Variants in WAPL observed in about 807,000 individuals in gnomAD.
WAPL encodes WAPL cohesin release factor.
Under a neutral mutation model 121.0 loss-of-function variants are expected in WAPL, and 5 were observed. The ratio of observed to expected loss-of-function variants is 0.04; its 90% CI spans 0.02 to 0.09. The LOEUF (loss-of-function observed/expected upper bound fraction) is 0.09, where lower values mean the gene tolerates loss of function less well. WAPL is among the 10% of genes least tolerant of loss of function. The pLI is 1.00. For synonymous variants in WAPL, 480 were observed against 481.5 expected (o/e 1.00, Z 0.04); for missense variants, 999 against 1,410.8 (o/e 0.71, Z 4.68).
chr10:86,493,197 T>G lies in WAPL; in HGVS notation c.1644+4004A>C, dbSNP rs17106779. Among the ~76,000 whole-genome samples the G allele has an allele frequency of 7.7e-3, 1,175 of 152,120 alleles. 7 individuals are homozygous for G. The highest frequency in any genetic ancestry group is 0.02 in the Middle Eastern group (6 of 294). ...AAGACATTTTGAAGATGGGGAAAAC[T>G]GAATACAGTGATTATCAGATTATAT... On this transcript the variant is annotated intron_variant, in intron 4 of 18. Coordinates refer to ENST00000298767, the MANE Select transcript of WAPL (RefSeq NM_015045.5).
At position 86,453,199 on chromosome 10, in the gene WAPL, GAA is replaced by G. The variant is rs749993450; in HGVS notation, c.2949+19_2949+20del. 4 of 1,610,672 alleles carry G rather than the reference GAA, an allele frequency of 2.5e-6. No homozygotes were observed. Among genetic ancestry groups the G allele is most frequent in the South Asian group, 1.1e-5 (1 of 90,952 alleles). On this transcript the variant is annotated intron_variant, in intron 14 of 18. Transcript: ENST00000298767. ...CTTATTAGATATGATACTCATTTCT[GAA>G]AAAGTCATTTCAACTTACCAGCACT...
chr10:86,470,707 T>C (rs1470003874), intron 8 of WAPL, among the ~76,000 whole-genome samples: 1 of 152,232 alleles, frequency 6.6e-6, no homozygotes, highest in East Asian at 1.9e-4. Context: ...GAGAAAATTA[T>C]GCTTACAAAA....
intron 5 of WAPL, 64 bp downstream of exon 5, chr10:86,473,814 A>G: frequency 7.9e-7 from 1 of 1,266,162 alleles, no homozygotes; most frequent in Non-Finnish European, 1.1e-6. Context: ...TATGAATTAA[A>G]AGAGTAACTG....
chr10:86,444,892 CAAA>C (rs35307250), intron 16 of WAPL, among the ~76,000 whole-genome samples: 187 of 68,202 alleles, frequency 2.7e-3, no homozygotes, highest in East Asian at 0.021. Context: ...GTTATTACGC[CAAA>C]AAAAAAAAAA....
chr10:86,473,167 G>A (rs1315485549), intron 5 of WAPL, among the ~76,000 whole-genome samples: 2 of 152,036 alleles, frequency 1.3e-5, no homozygotes, highest in African/African-American at 4.8e-5. Context: ...GTAGTTTAGG[G>A]TAAAAATAAA....
intron 4 of WAPL, among the ~76,000 whole-genome samples, chr10:86,483,102 A>G (rs1841829954): frequency 6.6e-6 from 1 of 152,220 alleles, no homozygotes; most frequent in Non-Finnish European, 1.5e-5. Flanking sequence ...AAACAAACCT[A>G]CTGTGCTGCC....
At chr10:86,515,806 A>T (rs1842544340) in intron 2 of WAPL, among the ~76,000 whole-genome samples, 1 of 151,662 alleles carries the variant, frequency 6.6e-6, no homozygotes, top group South Asian at 2.1e-4. Context: ...GATGATTTTA[A>T]TATACATTTA....
In WAPL at chr10:86,521,720, C is replaced by G. The variant is rs1315686888; in HGVS notation, c.-378G>C. ...GGTCAGTGCTGGAGTTTGAACAGGG[C>G]CCTGAACCATCTCAACGCCATTTGC... On this transcript the variant is annotated 5_prime_UTR_variant, in exon 1 of 19. Transcript: ENST00000298767. 2.2e-6 allele frequency: 1 copy of G among 457,772 alleles called. No homozygotes were observed. The highest frequency in any genetic ancestry group is 4.5e-6 in the Non-Finnish European group (1 of 221,866). The allele number at this position is 457,772 out of a possible 1,614,324, so 28.4% of individuals were successfully genotyped here. A position where few individuals can be genotyped will look rare whatever the true frequency, so the allele number is the denominator to read the frequency against.
chr10:86,481,725 C>A (rs10887617), intron 4 of WAPL, among the ~76,000 whole-genome samples: 145,363 of 152,240 alleles, frequency 0.95, 69,534 homozygotes, highest in East Asian at 1. Context: ...AGAAAAGAAG[C>A]AGCAGAAAAC....
At chr10:86,446,550 T>A in intron 15 of WAPL, 101 bp from the exon 16 acceptor site, 1 of 1,247,840 alleles carries the variant, frequency 8.0e-7, no homozygotes, top group Non-Finnish European at 1.1e-6. Context: ...TATCACTAAC[T>A]CTAAGATGGT....
intron 2 of WAPL, among the ~76,000 whole-genome samples, chr10:86,516,849 G>A (rs1842564288): frequency 6.6e-6 from 1 of 152,082 alleles, no homozygotes; most frequent in Non-Finnish European, 1.5e-5. Flanking sequence ...ACTTTGGGAG[G>A]TGAGGCGGGC....
rs1019130880 is a variant in WAPL, at chr10:86,517,977, A to G, written c.93T>C (p.Leu31=). The G allele has an allele frequency of 1.9e-6, 3 of 1,614,082 alleles. No homozygotes were observed. Among genetic ancestry groups the G allele is most frequent in the Non-Finnish European group, 2.5e-6 (3 of 1,180,034 alleles). ...DEVFSNKRTT[L]STKWGETTFM... is the part of the protein sequence containing the mutation. ...ATGTGGTCTCTCCCCATTTTGTGCTAAGGGTAGTCCGTTTGTTGGAAAAGA... is the reference window on the plus strand; with the variant it reads ...ATGTGGTCTCTCCCCATTTTGTGCTGAGGGTAGTCCGTTTGTTGGAAAAGA... Residue 31 remains leucine (L), a synonymous_variant, in exon 2 of 19, where the codon CTT becomes CTC. Transcript: ENST00000298767.
chr10:86,506,241 AAAACAAAC>A (rs200759118), intron 2 of WAPL, among the ~76,000 whole-genome samples: 9 of 152,222 alleles, frequency 5.9e-5, no homozygotes, highest in Middle Eastern at 6.8e-3. Context: ...TCCAAAAACA[AAAACAAAC>A]AAACAAACAA....
intron 2 of WAPL, among the ~76,000 whole-genome samples, chr10:86,515,015 T>C (rs560638907): frequency 6.6e-6 from 1 of 152,116 alleles, no homozygotes; most frequent in Non-Finnish European, 1.5e-5. Context: ...TTCCCAGCAC[T>C]TGGGGAGGCC....
At chr10:86,468,819 G>A (rs117963408) in intron 8 of WAPL, among the ~76,000 whole-genome samples, 12,084 of 151,768 alleles carry the variant, frequency 0.08, 859 homozygotes, top group East Asian at 0.38. Context: ...AAAAAAATTA[G>A]GCCGGGCGCA....
intron 15 of WAPL, among the ~76,000 whole-genome samples, chr10:86,450,194 A>T (rs954782917): frequency 6.6e-6 from 1 of 152,210 alleles, no homozygotes; most frequent in Admixed American, 6.5e-5. Context: ...ATTTTGAAAT[A>T]AAAAGTTTAA....
At position 86,452,053 on chromosome 10, in the gene WAPL, A is replaced by G. The variant is rs1032015222; in HGVS notation, c.3028T>C (p.Ser1010Pro). 6.2e-7 allele frequency: 1 copy of G among 1,614,088 alleles called. No homozygotes were observed. Among genetic ancestry groups the G allele is most frequent in the Non-Finnish European group, 8.5e-7 (1 of 1,180,042 alleles). Residue 1010 changes from serine to proline, a missense_variant, in exon 15 of 19, where the codon TCT (serine) becomes CCT (proline). Physicochemically the swap from Ser to Pro is moderately conservative, Grantham distance 74 (BLOSUM62 -1). Transcript: ENST00000298767. ...HCLVNMETSC[S>P]FDSSICSGEG... is the part of the protein sequence containing the mutation. ...CCACTACAGATGGAAGAATCAAAAG[A>G]GCACGATGTTTCCATGTTGACAAGA...
intron 4 of WAPL, among the ~76,000 whole-genome samples, chr10:86,491,233 G>A (rs556371037): frequency 0.01 from 1,515 of 147,310 alleles, 3 homozygotes; most frequent in South Asian, 0.021. Flanking sequence ...TCTGCCTCCC[G>A]GGTTCGCGCC....
intron 2 of WAPL, among the ~76,000 whole-genome samples, chr10:86,509,306 C>T (rs913715407): frequency 2.0e-5 from 3 of 152,150 alleles, no homozygotes; most frequent in African/African-American, 7.2e-5. Context: ...ATGACACTAC[C>T]ATCTGCTCAG....
Sources: gnomAD v4.1 joint callset for allele counts (sites outside exome capture counted in the v4.1 genomes callset) on GRCh38, gnomAD v4.1.1 for gene constraint, MANE v1.5 for transcripts, NCBI Gene and HGNC (gene_info 2026-07-23, HGNC 2026-07-21) for gene names.